FLVCR2: variants seen among roughly 807,000 people sequenced by gnomAD.
FLVCR2 encodes choline/ethanolamine transporter FLVCR2.
A neutral mutation model predicts 48.9 loss-of-function variants in FLVCR2; 38 were observed. That is an observed-to-expected ratio of 0.78 (90% confidence interval 0.60 to 1.02). The LOEUF is 1.02. FLVCR2 is among the 50% of genes least tolerant of loss of function. FLVCR2 has a pLI of 0.00. For synonymous variants in FLVCR2, 255 were observed against 257.0 expected, an observed-to-expected ratio of 0.99 and a Z score of 0.07; for missense variants, 664 against 663.3, an observed-to-expected ratio of 1.00 and a Z score of -0.01.
chr14:75,602,511 C>T (rs935048396), intron 1 of FLVCR2, among the ~76,000 whole-genome samples: 1 of 152,112 alleles, frequency 6.6e-6, no homozygotes, highest in African/African-American at 2.4e-5. Context: ...GAAAGGGGCC[C>T]CTTAGGAAAT....
chr14:75,639,303 C>T (rs761811906), intron 5 of FLVCR2, 49 bp from the exon 6 acceptor site: 30 of 1,101,052 alleles, frequency 2.7e-5, no homozygotes, highest in Non-Finnish European at 4.1e-5. Context: ...ATGAATGAGC[C>T]TATTAAAGTC....
In FLVCR2 at chr14:75,622,187, GT is replaced by G. The variant is rs1566792314; in HGVS notation, c.779del (p.Val260GlyfsTer27). ...CATCATGTTCTATATAATAGGAGGTGTGGCCACTCTCCTCCTCATCCTTGTC... is the reference window on the plus strand; with the variant it reads ...CATCATGTTCTATATAATAGGAGGTGGGCCACTCTCCTCCTCATCCTTGTC... Reference protein sequence around the residue: ...ISIMFYIIGGVATLLLILVII... With the variant: ...ISIMFYIIGGXATLLLILVII... On this transcript the variant is annotated frameshift_variant, in exon 2 of 10. Coordinates refer to ENST00000238667, the MANE Select transcript of FLVCR2 (RefSeq NM_017791.3). LOFTEE classifies it high-confidence loss of function. 6.2e-7 allele frequency: 1 copy of G among 1,613,866 alleles called. No homozygotes were observed. The highest frequency in any genetic ancestry group is 8.5e-7 in the Non-Finnish European group (1 of 1,179,792).
chr14:75,579,361 A>G lies in FLVCR2; in HGVS notation c.389A>G (p.Tyr130Cys), dbSNP rs776580991. Residue 130 changes from tyrosine to cysteine, a missense_variant, in exon 1 of 10, where the codon TAC becomes TGC. Transcript: ENST00000238667. Reference sequence around the variant, plus strand: ...GCCATTGACTGGCTGTCCATGTGCTACATGCTGACTTACATCCCTCTGCTC... The same window carrying G: ...GCCATTGACTGGCTGTCCATGTGCTGCATGCTGACTTACATCCCTCTGCTC... ...AFAIDWLSMCYMLTYIPLLLP... is the reference protein window; with the variant it reads ...AFAIDWLSMCCMLTYIPLLLP... 6 of 1,614,216 alleles carry G rather than the reference A, an allele frequency of 3.7e-6. No individual in the cohort carries two copies. The South Asian group carries it at 6.6e-5, about 18-fold the overall frequency.
intron 1 of FLVCR2, among the ~76,000 whole-genome samples, chr14:75,601,396 T>A (rs1889163483): frequency 6.6e-6 from 1 of 152,222 alleles, no homozygotes. Context: ...TTGGGGCCAG[T>A]TTATGGCCAG....
At chr14:75,591,941 T>C (rs1888893826) in intron 1 of FLVCR2, among the ~76,000 whole-genome samples, 1 of 150,928 alleles carries the variant, frequency 6.6e-6, no homozygotes, top group Non-Finnish European at 1.5e-5. Flanking sequence ...GCCTCCCAAG[T>C]AGCTGGGACT....
chr14:75,622,244 G>A, intron 2 of FLVCR2, 24 bp downstream of exon 2: 1 of 1,613,030 alleles, frequency 6.2e-7, no homozygotes, highest in Non-Finnish European at 8.5e-7. Flanking sequence ...TAAACAGATG[G>A]GGTAGCAGGG....
At chr14:75,582,149 C>T (rs1165293714) in intron 1 of FLVCR2, among the ~76,000 whole-genome samples, 1 of 152,134 alleles carries the variant, frequency 6.6e-6, no homozygotes, top group Non-Finnish European at 1.5e-5. Context: ...AGATCTGATG[C>T]CTTTTGATGG....
At chr14:75,637,165 C>T (rs1890185440) in intron 5 of FLVCR2, among the ~76,000 whole-genome samples, 1 of 152,242 alleles carries the variant, frequency 6.6e-6, no homozygotes, top group African/African-American at 2.4e-5. Context: ...TTTGAGTTCA[C>T]ATCTCAGCTC....
chr14:75,588,342 A>G (rs1288203768), intron 1 of FLVCR2, among the ~76,000 whole-genome samples: 4 of 152,192 alleles, frequency 2.6e-5, no homozygotes, highest in Non-Finnish European at 5.9e-5. Flanking sequence ...ACTGACTTTT[A>G]TGACAAACCC....
intron 8 of FLVCR2, among the ~76,000 whole-genome samples, chr14:75,641,588 T>C (rs1890309581): frequency 6.6e-6 from 1 of 152,182 alleles, no homozygotes; most frequent in South Asian, 2.1e-4. Context: ...ATTGTTGTGA[T>C]GATTAGAGCA....
chr14:75,610,601 G>A (rs1265231692), intron 1 of FLVCR2, among the ~76,000 whole-genome samples: 1 of 152,188 alleles, frequency 6.6e-6, no homozygotes, highest in Non-Finnish European at 1.5e-5. Context: ...CAACACCAAG[G>A]CTGTAGGTCA....
At chr14:75,614,503 T>C (rs1889557680) in intron 1 of FLVCR2, among the ~76,000 whole-genome samples, 1 of 152,176 alleles carries the variant, frequency 6.6e-6, no homozygotes, top group Admixed American at 6.5e-5. Flanking sequence ...CACATGGTGA[T>C]GGGCTCTGAA....
At chr14:75,605,786 C>T (rs997871518) in intron 1 of FLVCR2, 14 of 654,218 alleles carry the variant, frequency 2.1e-5, no homozygotes, top group Non-Finnish European at 3.7e-5. Flanking sequence ...TTTGATTGCA[C>T]AGCCCTGCCA....
At chr14:75,594,175 G>A in intron 1 of FLVCR2, among the ~76,000 whole-genome samples, 1 of 152,148 alleles carries the variant, frequency 6.6e-6, no homozygotes, top group Non-Finnish European at 1.5e-5. Context: ...ATTTCCATCT[G>A]ACACCTCATC....
intron 1 of FLVCR2, among the ~76,000 whole-genome samples, chr14:75,600,551 T>C (rs138992682): frequency 6.6e-4 from 100 of 152,296 alleles, no homozygotes; most frequent in Non-Finnish European, 1.2e-3. Flanking sequence ...TCCAGTAACA[T>C]CGTTATACTA....
In FLVCR2 at chr14:75,641,224, GAC is replaced by G. The variant is rs770399681; in HGVS notation, c.1386_1387del (p.Asp462GlufsTer26). 5.0e-6 allele frequency: 8 copies of G among 1,613,872 alleles called. No homozygotes were observed. The African/African-American group carries it at 9.4e-5, about 19-fold the overall frequency. On this transcript the variant is annotated frameshift_variant, in exon 8 of 10. Coordinates refer to ENST00000238667, the MANE Select transcript of FLVCR2 (RefSeq NM_017791.3). LOFTEE classifies it high-confidence loss of function. ...TACCATCTCCCAGGGCCAGATTATT[GAC>G]AACTATGGAACCAAGCCTGGGAACA... Reference protein sequence around the residue: ...IFTISQGQIIDNYGTKPGNIF... With the variant: ...IFTISQGQIIXNYGTKPGNIF...
chr14:75,646,403 A>G lies in FLVCR2; in HGVS notation c.1512A>G (p.Lys504=). Residue 504 remains lysine (K), a splice_region_variant and synonymous_variant, in exon 10 of 10, where the codon AAA becomes AAG. Coordinates refer to ENST00000238667, the MANE Select transcript of FLVCR2 (RefSeq NM_017791.3). ...TGCCTGTTTGTTTTGCTTTATAGAA[A>G]CTCCAAGAGGAGGAGGAGGAGAGCA... ...QKANKETLEN[K]LQEEEEESNT... is the part of the protein sequence containing the mutation. 6.2e-7 allele frequency: 1 copy of G among 1,612,644 alleles called. No homozygotes were observed. The highest frequency in any genetic ancestry group is 8.5e-7 in the Non-Finnish European group (1 of 1,179,074).
intron 3 of FLVCR2, among the ~76,000 whole-genome samples, chr14:75,628,791 C>T (rs1166403631): frequency 2.0e-5 from 3 of 152,212 alleles, no homozygotes; most frequent in African/African-American, 7.2e-5. Flanking sequence ...TCCACCCCCA[C>T]TAGAAAACAG....
At chr14:75,619,603 A>T (rs1889710648) in intron 1 of FLVCR2, among the ~76,000 whole-genome samples, 1 of 152,240 alleles carries the variant, frequency 6.6e-6, no homozygotes, top group African/African-American at 2.4e-5. Flanking sequence ...GGAAAAAAAT[A>T]TGTATTGAAA....
Sources: allele counts gnomAD v4.1 joint callset (sites outside exome capture counted in the v4.1 genomes callset), GRCh38; gene constraint gnomAD v4.1.1; transcripts MANE v1.5; gene names NCBI Gene and HGNC (gene_info 2026-07-23, HGNC 2026-07-21).